Variants in ATP6V0E1 observed in about 807,000 individuals in gnomAD.
ATP6V0E1 encodes the protein V-type proton ATPase subunit e 1.
ATP6V0E1 carries 4 observed loss-of-function variants against 11.6 expected under a neutral mutation model. The ratio of observed to expected loss-of-function variants is 0.35; its 90% CI spans 0.17 to 0.79. The LOEUF is 0.79. Among genes scored for constraint, ATP6V0E1 ranks in the 30% least tolerant of loss-of-function variants. The pLI, the probability that ATP6V0E1 is intolerant of heterozygous loss-of-function variation, is 0.54. For synonymous variants in ATP6V0E1, 36 were observed against 34.8 expected (o/e 1.04, Z -0.13); for missense variants, 105 against 100.0 (o/e 1.05, Z -0.21).
rs1025324876 is a variant in ATP6V0E1, at chr5:173,034,576, C to T, written c.*214C>T. The T allele has an allele frequency of 2.6e-5, 17 of 658,424 alleles. No individual in the cohort carries two copies. The African/African-American group carries it at 2.8e-4, about 11-fold the overall frequency. 40.8% of individuals were successfully genotyped at this position (658,424 alleles called of 1,614,324 possible). ...TTGCACTTTGGTGAATTACGTGCCTCCATAACCTGAACTGTGCCGACTCCA... is the reference window on the plus strand; with the variant it reads ...TTGCACTTTGGTGAATTACGTGCCTTCATAACCTGAACTGTGCCGACTCCA... On this transcript the variant is annotated 3_prime_UTR_variant, in exon 4 of 4. Transcript: ENST00000519374.
chr5:173,004,883 C>A lies in ATP6V0E1; in HGVS notation c.152+10061C>A, dbSNP rs1189580436. On this transcript the variant is annotated intron_variant, in intron 2 of 3. Transcript: ENST00000519374. Reference sequence around the variant, plus strand: ...TGCTTTGTTTTCCCAATATAGACATCCAGTTGTTGCTGCACCAGCTTTTGA... The same window carrying A: ...TGCTTTGTTTTCCCAATATAGACATACAGTTGTTGCTGCACCAGCTTTTGA... Among the ~76,000 whole-genome samples, 7 of 152,240 alleles carry A rather than the reference C, an allele frequency of 4.6e-5. No homozygotes were observed. In the South Asian group the frequency reaches 1.5e-3, roughly 32 times the overall value.
At chr5:173,029,931 T>A (rs1756625027) in intron 3 of ATP6V0E1, among the ~76,000 whole-genome samples, 1 of 152,216 alleles carries the variant, frequency 6.6e-6, no homozygotes, top group African/African-American at 2.4e-5. Flanking sequence ...GCCCTTGTTC[T>A]TGACCTCATT....
At chr5:172,990,007 A>G (rs898114341) in intron 1 of ATP6V0E1, among the ~76,000 whole-genome samples, 9 of 151,984 alleles carry the variant, frequency 5.9e-5, no homozygotes, top group African/African-American at 2.2e-4. Flanking sequence ...AACCAATTAA[A>G]AAAAAAATGT....
chr5:173,017,795 C>T (rs1380348800), intron 2 of ATP6V0E1, among the ~76,000 whole-genome samples: 1 of 145,360 alleles, frequency 6.9e-6, no homozygotes, highest in Admixed American at 7.1e-5. Context: ...GAGCTGAGAT[C>T]GTGCCACTGC....
intron 1 of ATP6V0E1, among the ~76,000 whole-genome samples, chr5:172,984,659 CTT>C (rs1388672895): frequency 6.6e-6 from 1 of 152,200 alleles, no homozygotes; most frequent in African/African-American, 2.4e-5. Flanking sequence ...AGCTTTGTCT[CTT>C]TTGGAATTAA....
chr5:172,985,259 AAAAG>A (rs1401619996), intron 1 of ATP6V0E1, among the ~76,000 whole-genome samples: 9 of 152,048 alleles, frequency 5.9e-5, no homozygotes, highest in East Asian at 3.9e-4. Flanking sequence ...AAAAAAAAAA[AAAAG>A]AAAGAAAAAG....
intron 2 of ATP6V0E1, among the ~76,000 whole-genome samples, chr5:172,995,216 G>A (rs1300397243): frequency 6.6e-6 from 1 of 152,174 alleles, no homozygotes; most frequent in Non-Finnish European, 1.5e-5. Flanking sequence ...TGAGTCTCAT[G>A]CCTCAGCTAC....
intron 2 of ATP6V0E1, among the ~76,000 whole-genome samples, chr5:173,018,762 T>G (rs1349862867): frequency 1.3e-5 from 2 of 152,228 alleles, no homozygotes; most frequent in Non-Finnish European, 2.9e-5. Flanking sequence ...AGGTGCTCAT[T>G]AAATATTTCT....
intron 2 of ATP6V0E1, among the ~76,000 whole-genome samples, chr5:173,002,203 G>A (rs561447874): frequency 1.3e-5 from 2 of 152,202 alleles, no homozygotes; most frequent in South Asian, 2.1e-4. Context: ...AATTTTAAAA[G>A]TACAACCACA....
At chr5:173,017,234 C>T (rs1003198418) in intron 2 of ATP6V0E1, among the ~76,000 whole-genome samples, 9 of 152,118 alleles carry the variant, frequency 5.9e-5, no homozygotes, top group Non-Finnish European at 1.3e-4. Flanking sequence ...ATCCACTTAC[C>T]CTTAGAAAGT....
chr5:173,010,132 G>C (rs926314335), intron 2 of ATP6V0E1, among the ~76,000 whole-genome samples: 2 of 152,174 alleles, frequency 1.3e-5, no homozygotes, highest in African/African-American at 2.4e-5. Context: ...TATTCTGTCA[G>C]ATTCACTGAG....
rs1756197474 is a variant in ATP6V0E1 at position 173,004,257 on chromosome 5, T to C, written c.152+9435T>C. Reference sequence around the variant, plus strand: ...ACTTCATTTGCCTAAGGACATGCAGTTGCACTTCTTTAGAGTCAGCTTTTC... The same window carrying C: ...ACTTCATTTGCCTAAGGACATGCAGCTGCACTTCTTTAGAGTCAGCTTTTC... On this transcript the variant is annotated intron_variant, in intron 2 of 3. Coordinates refer to ENST00000519374, the MANE Select transcript of ATP6V0E1 (RefSeq NM_003945.4). 2.0e-5 allele frequency among the ~76,000 whole-genome samples: 3 copies of C among 152,152 alleles called. No individual in the cohort carries two copies. In the South Asian group the frequency reaches 6.2e-4, roughly 32 times the overall value.
chr5:172,987,008 G>T (rs563186308), intron 1 of ATP6V0E1: 8 of 215,898 alleles, frequency 3.7e-5, no homozygotes, highest in East Asian at 1.7e-4. Flanking sequence ...GGATGGTCTC[G>T]ATCTCTTGAC....
In ATP6V0E1 at chr5:173,034,743, G is replaced by T; in HGVS notation, c.*381G>T. The T allele has an allele frequency of 2.9e-6, 1 of 343,896 alleles. No individual in the cohort carries two copies. The highest frequency in any genetic ancestry group is 4.2e-5 in the Admixed American group (1 of 23,678). The allele number at this position is 343,896 out of a possible 1,614,324, so 21.3% of individuals were successfully genotyped here. A position where few individuals can be genotyped will look rare whatever the true frequency, so the allele number is the denominator to read the frequency against. ...GTGAAGTGTTTAGAAACTGCTGCAAGACAAACAAGACTCCAGTGGGGTGGT... is the reference window on the plus strand; with the variant it reads ...GTGAAGTGTTTAGAAACTGCTGCAATACAAACAAGACTCCAGTGGGGTGGT... On this transcript the variant is annotated 3_prime_UTR_variant, in exon 4 of 4. Transcript: ENST00000519374.
chr5:173,023,520 C>T (rs1756514815), intron 3 of ATP6V0E1, among the ~76,000 whole-genome samples: 1 of 152,232 alleles, frequency 6.6e-6, no homozygotes. Context: ...ATTATTACCT[C>T]TGCATTTGAT....
intron 2 of ATP6V0E1, among the ~76,000 whole-genome samples, chr5:173,016,675 G>A (rs1234392200): frequency 6.6e-6 from 1 of 152,156 alleles, no homozygotes; most frequent in Non-Finnish European, 1.5e-5. Context: ...ATTGCCTGCC[G>A]GGATTGGGGA....
intron 2 of ATP6V0E1, among the ~76,000 whole-genome samples, chr5:172,997,838 C>T (rs1213458139): frequency 3.6e-5 from 5 of 140,748 alleles, no homozygotes; most frequent in South Asian, 2.3e-4. Context: ...AGTTCTAGGC[C>T]GGGCATGGTG....
chr5:172,986,779 T>A (rs1232015725), intron 1 of ATP6V0E1: 1 of 192,160 alleles, frequency 5.2e-6, no homozygotes, highest in Non-Finnish European at 8.0e-6. Flanking sequence ...TTTGTTGTTT[T>A]TGTTTGTTTG....
rs199527939 is a variant in ATP6V0E1 at position 172,994,871 on chromosome 5, C to T, written c.152+49C>T. ...TTATTCTTGGTATTTGTAGTGTGTG[C>T]GATTTACACATTTGTTTTATTGGAG... is the stretch of plus-strand genomic sequence containing the variant. On this transcript the variant is annotated intron_variant, in intron 2 of 3. Transcript: ENST00000519374. 2.1e-3 allele frequency: 2,963 copies of T among 1,407,994 alleles called. 2 individuals are homozygous for T. Among genetic ancestry groups the T allele is most frequent in the Non-Finnish European group, 2.7e-3 (2,718 of 1,023,496 alleles). The allele number at this position is 1,407,994 out of a possible 1,614,324, so 87.2% of individuals were successfully genotyped here.
Sources: gnomAD v4.1 joint callset for allele counts (sites outside exome capture counted in the v4.1 genomes callset) on GRCh38, gnomAD v4.1.1 for gene constraint, MANE v1.5 for transcripts, NCBI Gene and HGNC (gene_info 2026-07-23, HGNC 2026-07-21) for gene names.